Variants in SPTB observed in about 807,000 individuals in gnomAD.
The protein encoded by SPTB is spectrin beta, erythrocytic.
SPTB carries 45 observed loss-of-function variants against 256.2 expected under a neutral mutation model. The observed-to-expected ratio is 0.18, with a 90% confidence interval of 0.14 to 0.23. SPTB has a LOEUF of 0.23. Among genes scored for constraint, SPTB ranks in the 10% least tolerant of loss-of-function variants. The probability of loss-of-function intolerance (pLI) is 1.00; values close to 1 mark genes in which losing one functional copy is unlikely to be tolerated. For missense variants in SPTB, 2,715 were observed against 3,040.4 expected (o/e 0.89, Z 2.52); for synonymous variants, 1,231 against 1,243.1 (o/e 0.99, Z 0.21).
intron 32 of SPTB, among the ~76,000 whole-genome samples, chr14:64,763,257 G>A (rs1225355629): frequency 6.6e-6 from 1 of 152,246 alleles, no homozygotes; most frequent in East Asian, 1.9e-4. Flanking sequence ...GTGAAGGGGA[G>A]ATGCTTAGTC....
intron 32 of SPTB, chr14:64,755,012 T>C (rs1398155024): frequency 6.6e-6 from 1 of 151,944 alleles, no homozygotes; most frequent in Non-Finnish European, 1.5e-5. Flanking sequence ...CAGCAAGAGG[T>C]AGGAAGGCCC....
chr14:64,806,995 T>C lies in SPTB; in HGVS notation c.149-1905A>G, dbSNP rs1168729618. ...ACAGCAAATTAAACCACTTTCCTGATTTCAAATGCTGCTTCAGCGAAATGT... is the reference window on the plus strand; with the variant it reads ...ACAGCAAATTAAACCACTTTCCTGACTTCAAATGCTGCTTCAGCGAAATGT... On this transcript the variant is annotated intron_variant, in intron 2 of 35. Transcript: ENST00000644917. The surrounding 1 kb of genome is among the most constrained non-coding windows in gnomAD (Gnocchi z 4.1). Among the ~76,000 whole-genome samples, 1 of 152,204 alleles carries C rather than the reference T, an allele frequency of 6.6e-6. No homozygotes were observed. The highest frequency in any genetic ancestry group is 1.5e-5 in the Non-Finnish European group (1 of 68,040).
At chr14:64,815,143 C>T (rs527329127) in intron 2 of SPTB, among the ~76,000 whole-genome samples, 61 of 152,128 alleles carry the variant, frequency 4.0e-4, no homozygotes, top group African/African-American at 1.3e-3. Flanking sequence ...CAGAACAGCC[C>T]GGAGGTTCTT....
chr14:64,773,837 C>T (rs1022184504), intron 24 of SPTB, among the ~76,000 whole-genome samples: 5 of 152,206 alleles, frequency 3.3e-5, no homozygotes, highest in Admixed American at 2.0e-4. Flanking sequence ...ATGTGGCTCC[C>T]AGGGAAACCT....
At chr14:64,817,745 GAGGACACTCTC>G (rs1442634150) in intron 2 of SPTB, among the ~76,000 whole-genome samples, 5 of 152,256 alleles carry the variant, frequency 3.3e-5, no homozygotes, top group Admixed American at 1.3e-4. Context: ...AACATGTCCT[GAGGACACTCTC>G]AGGGCCCTTC....
chr14:64,864,009 A>G (rs1197187423), intron 1 of SPTB, among the ~76,000 whole-genome samples: 1 of 152,240 alleles, frequency 6.6e-6, no homozygotes, highest in African/African-American at 2.4e-5. Context: ...CCATAAGTAC[A>G]TAGCATCAGC....
chr14:64,837,371 C>T (rs2083541476), intron 1 of SPTB, among the ~76,000 whole-genome samples: 1 of 152,136 alleles, frequency 6.6e-6, no homozygotes. Flanking sequence ...CACCCTACAG[C>T]CTATTACATC....
intron 32 of SPTB, among the ~76,000 whole-genome samples, chr14:64,761,152 T>G (rs377585168): frequency 3.3e-5 from 5 of 152,302 alleles, no homozygotes; most frequent in Admixed American, 1.3e-4. Flanking sequence ...GAAGTGACTC[T>G]GGCCGCCAAG....
chr14:64,819,492 A>G (rs564731348), intron 2 of SPTB, among the ~76,000 whole-genome samples: 1 of 152,346 alleles, frequency 6.6e-6, no homozygotes, highest in African/African-American at 2.4e-5. Flanking sequence ...CATGTCACCC[A>G]GCCAGATGGC....
At position 64,825,126 on chromosome 14, in the gene SPTB, GA is replaced by G. The variant is rs1403875451; in HGVS notation, c.-51-1982del. On this transcript the variant is annotated intron_variant, in intron 1 of 35. Coordinates refer to ENST00000644917, the MANE Select transcript of SPTB (RefSeq NM_001355436.2). The surrounding 1 kb of genome is among the most constrained non-coding windows in gnomAD (Gnocchi z 4.8). ...GACAGGTTTCAGGAGGGCAGCTGGGGAAAGGACTGGAGCACAGTTTGTTCCC... is the reference window on the plus strand; with the variant it reads ...GACAGGTTTCAGGAGGGCAGCTGGGGAAGGACTGGAGCACAGTTTGTTCCC... 6.6e-6 allele frequency among the ~76,000 whole-genome samples: 1 copy of G among 151,972 alleles called. No homozygotes were observed. The highest frequency in any genetic ancestry group is 1.9e-4 in the East Asian group (1 of 5,170).
intron 1 of SPTB, among the ~76,000 whole-genome samples, chr14:64,859,818 A>AG (rs1403597391): frequency 6.6e-6 from 1 of 152,182 alleles, no homozygotes; most frequent in Non-Finnish European, 1.5e-5. Context: ...GGGCTAAGAA[A>AG]GGTGGATGAT....
intron 32 of SPTB, among the ~76,000 whole-genome samples, chr14:64,765,835 T>G (rs1054344080): frequency 0.019 from 2,632 of 141,446 alleles, 102 homozygotes; most frequent in African/African-American, 0.048. Context: ...TGTGTGTGTG[T>G]GGGGGTGTGG....
chr14:64,798,100 C>G (rs951313590), intron 9 of SPTB, among the ~76,000 whole-genome samples: 1 of 152,190 alleles, frequency 6.6e-6, no homozygotes, highest in Admixed American at 6.5e-5. Flanking sequence ...GCCACCACAG[C>G]ATTTATCATT....
In SPTB at chr14:64,845,319, G is replaced by C. The variant is rs2083672529; in HGVS notation, c.-51-22174C>G. Among the ~76,000 whole-genome samples the C allele has an allele frequency of 6.6e-6, 1 of 152,174 alleles. No homozygotes were observed. Among genetic ancestry groups the C allele is most frequent in the Non-Finnish European group, 1.5e-5 (1 of 68,036 alleles). On this transcript the variant is annotated intron_variant, in intron 1 of 35. Coordinates refer to ENST00000644917, the MANE Select transcript of SPTB (RefSeq NM_001355436.2). The surrounding 1 kb of genome is among the most constrained non-coding windows in gnomAD (Gnocchi z 4.8). ...TTGGTAGTTCTGTGTGTGCCCATTG[G>C]TACAAACATTATAAACACAGATGTA...
chr14:64,821,911 G>T (rs2083293716), intron 2 of SPTB, among the ~76,000 whole-genome samples: 1 of 152,160 alleles, frequency 6.6e-6, no homozygotes, highest in Admixed American at 6.5e-5. Flanking sequence ...TTCAAGGTCT[G>T]CCAGGGACTG....
chr14:64,820,100 A>G (rs1011080815), intron 2 of SPTB, among the ~76,000 whole-genome samples: 3 of 152,150 alleles, frequency 2.0e-5, no homozygotes, highest in Non-Finnish European at 4.4e-5. Flanking sequence ...ACCTTGCCAC[A>G]TATACCTATG....
chr14:64,865,505 G>A (rs557716983), intron 1 of SPTB, among the ~76,000 whole-genome samples: 18 of 152,168 alleles, frequency 1.2e-4, no homozygotes, highest in Admixed American at 4.6e-4. Context: ...TTGAAGATGC[G>A]TTTCACTGCA....
chr14:64,799,738 G>C lies in SPTB; in HGVS notation c.1064+9C>G. Reference sequence around the variant, plus strand: ...TGAGGACCACCCTCCCATGTGCCAGGGCCCTTACTTGGGCGGCTTCTCCAC... The same window carrying C: ...TGAGGACCACCCTCCCATGTGCCAGCGCCCTTACTTGGGCGGCTTCTCCAC... On this transcript the variant is annotated intron_variant, in intron 9 of 35. Coordinates refer to ENST00000644917, the MANE Select transcript of SPTB (RefSeq NM_001355436.2). The C allele has an allele frequency of 6.2e-7, 1 of 1,613,992 alleles. No individual in the cohort carries two copies. The highest frequency in any genetic ancestry group is 8.5e-7 in the Non-Finnish European group (1 of 1,180,012).
At chr14:64,799,415 G>A (rs1293904521) in intron 9 of SPTB, among the ~76,000 whole-genome samples, 2 of 152,254 alleles carry the variant, frequency 1.3e-5, no homozygotes, top group African/African-American at 2.4e-5. Context: ...CCACAGCTCA[G>A]TGGCAGACCA....
Sources: allele counts gnomAD v4.1 joint callset (sites outside exome capture counted in the v4.1 genomes callset), GRCh38; gene constraint gnomAD v4.1.1; non-coding constraint Gnocchi (gnomAD v3.1); transcripts MANE v1.5; gene names NCBI Gene and HGNC (gene_info 2026-07-23, HGNC 2026-07-21).